The following ASIC2 variants were observed in gnomAD, a reference collection of about 807,000 sequenced individuals.
ASIC2 encodes acid-sensing ion channel 2.
ASIC2 carries 25 observed loss-of-function variants against 57.3 expected under a neutral mutation model. The observed-to-expected ratio is 0.44, with a 90% CI of 0.32 to 0.61. ASIC2 has a LOEUF of 0.61. ASIC2 is among the 20% of genes least tolerant of loss of function. The probability of loss-of-function intolerance (pLI) is 0.06; values close to 1 mark genes in which losing one functional copy is unlikely to be tolerated. For synonymous variants in ASIC2, 319 were observed against 307.5 expected (o/e 1.04, Z -0.39); for missense variants, 641 against 738.1 (o/e 0.87, Z 1.52).
intron 1 of ASIC2, among the ~76,000 whole-genome samples, chr17:33,340,009 G>T: frequency 6.6e-6 from 1 of 152,200 alleles, no homozygotes; most frequent in East Asian, 1.9e-4. Context: ...AACACTCAGA[G>T]TTGCATTCTA....
chr17:33,501,025 C>T (rs1914086829), intron 1 of ASIC2, among the ~76,000 whole-genome samples: 1 of 152,208 alleles, frequency 6.6e-6, no homozygotes, highest in Admixed American at 6.5e-5. Context: ...GAACGGGATC[C>T]CTGATGCCTC....
intron 1 of ASIC2, chr17:34,082,009 G>A (rs1334516784): frequency 2.0e-5 from 3 of 152,312 alleles, no homozygotes; most frequent in Middle Eastern, 3.4e-3. Flanking sequence ...TCCGATTTAA[G>A]TTCTCATCAC....
At chr17:33,860,860 C>T (rs1330977237) in intron 1 of ASIC2, among the ~76,000 whole-genome samples, 1 of 152,192 alleles carries the variant, frequency 6.6e-6, no homozygotes, top group Non-Finnish European at 1.5e-5. Context: ...GTACCAAAGA[C>T]ATCCCACACA....
intron 1 of ASIC2, among the ~76,000 whole-genome samples, chr17:33,552,433 A>C (rs1293545648): frequency 1.3e-5 from 2 of 152,128 alleles, no homozygotes; most frequent in African/African-American, 2.4e-5. Flanking sequence ...TTTTGCACTG[A>C]TTTTTCTCTC....
At chr17:33,035,782 T>C (rs1033365526) in intron 3 of ASIC2, among the ~76,000 whole-genome samples, 1 of 152,232 alleles carries the variant, frequency 6.6e-6, no homozygotes, top group Non-Finnish European at 1.5e-5. Context: ...TTAGACTCTC[T>C]CCCTATCCAC....
At position 33,291,716 on chromosome 17, in the gene ASIC2, T is replaced by G; in HGVS notation, c.400A>C (p.Thr134Pro). 2 of 1,613,584 alleles carry G rather than the reference T, an allele frequency of 1.2e-6. No homozygotes were observed. The highest frequency in any genetic ancestry group is 1.7e-6 in the Non-Finnish European group (2 of 1,179,856). The change falls in exon 1 of 10, where the codon ACT (threonine) becomes CCT (proline). Residue 134 changes from threonine to proline, a missense_variant. Physicochemically the swap from Thr to Pro is conservative, Grantham distance 38 (BLOSUM62 -1). Around this residue, in one of 3 missense-constraint regions of ASIC2, gnomAD observed 382 missense variants for 398.0 expected, o/e 0.96. Coordinates refer to ENST00000225823, the MANE Select transcript of ASIC2 (RefSeq NM_183377.2). Reference protein sequence around the residue: ...WSRQLPFPAVTVCNNNPLRFP... With the variant: ...WSRQLPFPAVPVCNNNPLRFP... ...CGCAGCGGGTTGTTGTTGCACACAG[T>G]GACGGCGGGGAAGGGTAACTGGCGG...
At chr17:34,010,315 A>G (rs1906665576) in intron 1 of ASIC2, among the ~76,000 whole-genome samples, 1 of 152,172 alleles carries the variant, frequency 6.6e-6, no homozygotes. Flanking sequence ...GCACTGGTAA[A>G]GAAGAGCACC....
intron 1 of ASIC2, among the ~76,000 whole-genome samples, chr17:33,301,009 CATTTATTT>C (rs71144872): frequency 1.1e-4 from 17 of 149,546 alleles, no homozygotes; most frequent in Non-Finnish European, 1.9e-4. Context: ...TCTTTTTATT[CATTTATTT>C]ATTTATTTAT....
Position 34,116,276 on chromosome 17 carries a change from C to T in ASIC2, c.555+39702G>A, listed in dbSNP as rs116110442. On this transcript the variant is annotated intron_variant, in intron 1 of 9. Transcript: ENST00000359872. ...AGAAAAATGCCTTTCTCTCTCTAGGCCTCTGTTTTTTATCTGCATAATGGG... is the reference window on the plus strand; with the variant it reads ...AGAAAAATGCCTTTCTCTCTCTAGGTCTCTGTTTTTTATCTGCATAATGGG... Among the ~76,000 whole-genome samples the T allele has an allele frequency of 7.7e-3, 1,167 of 152,192 alleles. 13 individuals are homozygous for T. The highest frequency in any genetic ancestry group is 0.026 in the African/African-American group (1,094 of 41,526).
At chr17:34,039,287 T>A (rs1908008063) in intron 1 of ASIC2, 1 of 1,613,872 alleles carries the variant, frequency 6.2e-7, no homozygotes, top group Non-Finnish European at 8.5e-7. Context: ...TTTTGGGAGC[T>A]GCAGGAATGC....
chr17:33,482,102 C>T (rs1913426723), intron 1 of ASIC2, among the ~76,000 whole-genome samples: 1 of 152,228 alleles, frequency 6.6e-6, no homozygotes, highest in African/African-American at 2.4e-5. Context: ...CTCTTTGCTC[C>T]AGTCAGCCAG....
At chr17:33,431,546 C>T (rs1368271102) in intron 1 of ASIC2, among the ~76,000 whole-genome samples, 6 of 152,000 alleles carry the variant, frequency 3.9e-5, no homozygotes, top group African/African-American at 1.2e-4. Context: ...CGGAGGTCGC[C>T]GTGAGCTGAG....
chr17:33,077,027 C>T (rs934764072), intron 3 of ASIC2, among the ~76,000 whole-genome samples: 3 of 152,096 alleles, frequency 2.0e-5, no homozygotes, highest in East Asian at 1.9e-4. Context: ...CCCATCTCCC[C>T]AGCCCAGAGG....
At chr17:33,579,999 C>A (rs1297388900) in intron 1 of ASIC2, 1 of 152,156 alleles carries the variant, frequency 6.6e-6, no homozygotes, top group Non-Finnish European at 1.5e-5. Flanking sequence ...AAACCTCTAG[C>A]TAGACACAGA....
intron 1 of ASIC2, among the ~76,000 whole-genome samples, chr17:34,088,217 T>C (rs1910183603): frequency 6.6e-6 from 1 of 152,220 alleles, no homozygotes; most frequent in Non-Finnish European, 1.5e-5. Context: ...AGATGGGTTT[T>C]TGGTGTGGAT....
intron 1 of ASIC2, among the ~76,000 whole-genome samples, chr17:33,660,693 A>G (rs982719646): frequency 6.6e-6 from 1 of 152,230 alleles, no homozygotes; most frequent in African/African-American, 2.4e-5. Context: ...GCATCGTCAC[A>G]AACATGTGTG....
chr17:33,360,667 A>G (rs1317399984), intron 1 of ASIC2, among the ~76,000 whole-genome samples: 1 of 152,222 alleles, frequency 6.6e-6, no homozygotes, highest in East Asian at 1.9e-4. Flanking sequence ...AGCCTTGGCC[A>G]TTTCACAATT....
At chr17:34,149,041 T>A (rs1904407955) in intron 1 of ASIC2, among the ~76,000 whole-genome samples, 1 of 152,122 alleles carries the variant, frequency 6.6e-6, no homozygotes, top group East Asian at 1.9e-4. Flanking sequence ...ATAATATATA[T>A]AATTATATCT....
intron 1 of ASIC2, among the ~76,000 whole-genome samples, chr17:33,821,043 T>C (rs750589150): frequency 1.3e-5 from 2 of 152,226 alleles, no homozygotes; most frequent in Non-Finnish European, 2.9e-5. Flanking sequence ...ATGCTTGAGA[T>C]GAATAAAGCA....
Sources: gnomAD v4.1 joint callset for allele counts (sites outside exome capture counted in the v4.1 genomes callset) on GRCh38, gnomAD v4.1.1 for gene constraint, gnomAD v4.1.1 regional missense constraint, MANE v1.5 for transcripts, NCBI Gene and HGNC (gene_info 2026-07-23, HGNC 2026-07-21) for gene names.